Variants in WWOX observed in about 807,000 individuals in gnomAD.
WWOX encodes WW domain containing oxidoreductase.
In WWOX, 69 loss-of-function variants were observed where a neutral mutation model predicts 46.2. The ratio of observed to expected loss-of-function variants is 1.49; its 90% CI spans 1.23 to 1.82. The LOEUF (loss-of-function observed/expected upper bound fraction) is 1.82. Among genes scored for constraint, WWOX ranks in the 40% most tolerant of loss-of-function variants. WWOX has a pLI of 0.00. For synonymous variants in WWOX, 359 were observed against 202.6 expected (o/e 1.77, Z -6.56); for missense variants, 919 against 542.6 (o/e 1.69, Z -6.89).
At chr16:78,634,130 C>A (rs541898546) in intron 8 of WWOX, among the ~76,000 whole-genome samples, 23 of 152,036 alleles carry the variant, frequency 1.5e-4, no homozygotes, top group Non-Finnish European at 3.1e-4. Flanking sequence ...CAGAGAGAGA[C>A]CTTTTTGTAC....
At chr16:78,353,104 C>A (rs1311423465) in intron 5 of WWOX, among the ~76,000 whole-genome samples, 1 of 152,040 alleles carries the variant, frequency 6.6e-6, no homozygotes, top group Non-Finnish European at 1.5e-5. Flanking sequence ...GTCTGTTTTC[C>A]TTTGATCTTT....
chr16:79,030,192 C>G (rs2047725308), intron 8 of WWOX, among the ~76,000 whole-genome samples: 2 of 152,190 alleles, frequency 1.3e-5, no homozygotes, highest in Non-Finnish European at 2.9e-5. Flanking sequence ...GTTAAAAATG[C>G]ATGTCTGTTA....
intron 8 of WWOX, among the ~76,000 whole-genome samples, chr16:79,049,966 A>G (rs2150526731): frequency 6.6e-6 from 1 of 152,286 alleles, no homozygotes; most frequent in African/African-American, 2.4e-5. Context: ...CAAGAAAAAA[A>G]CATGTCATGC....
intron 8 of WWOX, among the ~76,000 whole-genome samples, chr16:78,758,594 A>T (rs2049715905): frequency 6.6e-6 from 1 of 152,182 alleles, no homozygotes. Flanking sequence ...AGAAACTATC[A>T]ACCGTGGATG....
At chr16:78,822,048 A>C (rs934229799) in intron 8 of WWOX, among the ~76,000 whole-genome samples, 1 of 152,076 alleles carries the variant, frequency 6.6e-6, no homozygotes, top group African/African-American at 2.4e-5. Context: ...AGCTATTTTT[A>C]AAATTTCCTG....
chr16:78,262,853 G>C (rs2079276187), intron 5 of WWOX, among the ~76,000 whole-genome samples: 3 of 152,176 alleles, frequency 2.0e-5, no homozygotes, highest in African/African-American at 7.2e-5. Flanking sequence ...TTACTCTGTT[G>C]ATCATAAAAG....
chr16:78,683,775 G>T (rs9935613), intron 8 of WWOX, among the ~76,000 whole-genome samples: 15,383 of 152,108 alleles, frequency 0.1, 1,340 homozygotes, highest in African/African-American at 0.24. Flanking sequence ...ATATCCAACA[G>T]TCGTGATTTA....
intron 8 of WWOX, among the ~76,000 whole-genome samples, chr16:78,939,846 G>A (rs368717578): frequency 3.3e-5 from 5 of 152,130 alleles, no homozygotes; most frequent in South Asian, 2.1e-4. Flanking sequence ...TAGGTCTGGC[G>A]ATCTTTTTGG....
At position 79,051,790 on chromosome 16, in the gene WWOX, C is replaced by G. The variant is rs574296052; in HGVS notation, c.1057-159818C>G. On this transcript the variant is annotated intron_variant, in intron 8 of 8. Transcript: ENST00000566780. ...CTTAGAAGCAAAGTTAATTCAAAGA[C>G]CTGTGCTAACATTCTTAAATATCTG... 3.2e-3 allele frequency among the ~76,000 whole-genome samples: 492 copies of G among 152,292 alleles called. 2 individuals are homozygous for G. Among genetic ancestry groups the G allele is most frequent in the African/African-American group, 0.011 (467 of 41,548 alleles).
chr16:78,225,143 T>C (rs1376863328), intron 5 of WWOX, among the ~76,000 whole-genome samples: 3 of 152,206 alleles, frequency 2.0e-5, no homozygotes, highest in South Asian at 4.1e-4. Context: ...ATGGATAGCC[T>C]ACTACACATC....
intron 8 of WWOX, among the ~76,000 whole-genome samples, chr16:78,577,946 C>T (rs547466624): frequency 2.6e-4 from 40 of 152,052 alleles, no homozygotes; most frequent in African/African-American, 8.7e-4. Flanking sequence ...CACAGTTTTT[C>T]CAGATAACCA....
chr16:78,177,218 T>C (rs2035379484), intron 5 of WWOX, among the ~76,000 whole-genome samples: 1 of 152,216 alleles, frequency 6.6e-6, no homozygotes, highest in African/African-American at 2.4e-5. Context: ...CCCAACCCAG[T>C]TTACCAAGTA....
intron 8 of WWOX, among the ~76,000 whole-genome samples, chr16:78,660,974 A>G (rs2047197245): frequency 6.6e-6 from 1 of 152,144 alleles, no homozygotes; most frequent in South Asian, 2.1e-4. Flanking sequence ...TAATATATTC[A>G]TTCCTATTTA....
chr16:78,691,914 C>G (rs1441074241), intron 8 of WWOX, among the ~76,000 whole-genome samples: 1 of 152,158 alleles, frequency 6.6e-6, no homozygotes, highest in African/African-American at 2.4e-5. Context: ...GGGGCCCAGC[C>G]TTTCCCATGC....
chr16:79,143,883 C>T (rs1263042910), intron 8 of WWOX, among the ~76,000 whole-genome samples: 2 of 152,114 alleles, frequency 1.3e-5, no homozygotes, highest in African/African-American at 4.8e-5. Flanking sequence ...TATACCCACC[C>T]ATAGTCATGA....
intron 8 of WWOX, among the ~76,000 whole-genome samples, chr16:78,610,067 C>T (rs1463329688): frequency 6.7e-6 from 1 of 149,030 alleles, no homozygotes. Flanking sequence ...GCTGGAAAGA[C>T]TGCTGCTTCA....
intron 5 of WWOX, among the ~76,000 whole-genome samples, chr16:78,210,200 C>T (rs2151786491): frequency 6.6e-6 from 1 of 152,144 alleles, no homozygotes; most frequent in East Asian, 1.9e-4. Flanking sequence ...TACATCTATT[C>T]TAGCATTCCT....
At chr16:78,408,151 A>C (rs534384219) in intron 6 of WWOX, among the ~76,000 whole-genome samples, 1 of 152,170 alleles carries the variant, frequency 6.6e-6, no homozygotes, top group Non-Finnish European at 1.5e-5. Context: ...CCAAGCTACA[A>C]GTTAAATCCT....
intron 8 of WWOX, among the ~76,000 whole-genome samples, chr16:79,106,972 C>T (rs1026816153): frequency 2.0e-5 from 3 of 151,808 alleles, no homozygotes; most frequent in African/African-American, 7.3e-5. Context: ...AACCATGTCC[C>T]ACGAATTTTT....
Sources: allele counts gnomAD v4.1 joint callset (sites outside exome capture counted in the v4.1 genomes callset), GRCh38; gene constraint gnomAD v4.1.1; transcripts MANE v1.5; gene names NCBI Gene and HGNC (gene_info 2026-07-23, HGNC 2026-07-21).